NR2F2: variants seen among roughly 807,000 people sequenced by gnomAD.
NR2F2 encodes nuclear receptor subfamily 2 group F member 2.
Under a neutral mutation model 34.8 loss-of-function variants are expected in NR2F2, and 2 were observed. The ratio of observed to expected loss-of-function variants is 0.06; its 90% confidence interval spans 0.02 to 0.18. NR2F2 has a LOEUF of 0.18. NR2F2 is among the 10% of genes least tolerant of loss of function. The pLI is 1.00. For missense variants in NR2F2, 300 were observed against 580.1 expected, an observed-to-expected ratio of 0.52 and a Z score of 4.96; for synonymous variants, 274 against 251.8, an observed-to-expected ratio of 1.09 and a Z score of -0.84.
upstream of NR2F2, among the ~76,000 whole-genome samples, chr15:96,326,723 G>C (rs1046855443): frequency 6.6e-6 from 1 of 152,168 alleles, no homozygotes; most frequent in Non-Finnish European, 1.5e-5. The surrounding 1 kb of genome is among the most constrained non-coding windows in gnomAD (Gnocchi z 5.5). Context: ...TATAAAGCGT[G>C]GTTTTGCAAG....
chr15:96,331,410 G>A lies in NR2F2; in HGVS notation c.-696G>A. On this transcript the variant is annotated 5_prime_UTR_variant, in exon 1 of 3. Transcript: ENST00000394166. ...CCGCGGGCCGCCGGCCTCCGCCCCG[G>A]CCTGCCTGGCTCCCTGGGCGCGCCC... is the stretch of plus-strand genomic sequence containing the variant. The A allele has an allele frequency of 1.6e-6, 2 of 1,229,912 alleles. No individual in the cohort carries two copies. Among genetic ancestry groups the A allele is most frequent in the Non-Finnish European group, 2.0e-6 (2 of 987,094 alleles). 76.2% of individuals were successfully genotyped at this position (1,229,912 alleles called of 1,614,324 possible).
At chr15:96,326,947 G>A (rs555373012), upstream of NR2F2, 2 of 153,012 alleles carry the variant, frequency 1.3e-5, no homozygotes, top group East Asian at 3.9e-4. The surrounding 1 kb of genome is among the most constrained non-coding windows in gnomAD (Gnocchi z 5.5). Context: ...CGACGAGAAG[G>A]GTACTCACCA....
rs1899131443 is a variant in NR2F2 at position 96,331,264 on chromosome 15, C to T, written c.-842C>T. 1 of 995,694 alleles carries T rather than the reference C, an allele frequency of 1.0e-6. No homozygotes were observed. The allele number at this position is 995,694 out of a possible 1,614,324, so 61.7% of individuals were successfully genotyped here. A position where few individuals can be genotyped will look rare whatever the true frequency, so the allele number is the denominator to read the frequency against. ...CGGCGGCCGGAGAGAGCGAGGCGCG[C>T]GCCGGACGCCCGGGGCAGGCGGCGG... On this transcript the variant is annotated 5_prime_UTR_variant, in exon 1 of 3. Transcript: ENST00000394166.
intron 2 of NR2F2, 33 bp downstream of exon 2, chr15:96,334,636 G>A: frequency 1.3e-6 from 2 of 1,558,032 alleles, no homozygotes; most frequent in Non-Finnish European, 1.7e-6. Context: ...CGTGCCCACG[G>A]GCTCCTAGCC....
At chr15:96,333,206 T>A (rs1899204962) in intron 1 of NR2F2, 1 of 326,650 alleles carries the variant, frequency 3.1e-6, no homozygotes, top group Non-Finnish European at 4.7e-6. Context: ...GCGAGTTGGG[T>A]CTTTGTGATA....
chr15:96,327,534 C>T (rs1011582503), upstream of NR2F2, among the ~76,000 whole-genome samples: 1 of 152,162 alleles, frequency 6.6e-6, no homozygotes, highest in Non-Finnish European at 1.5e-5. Flanking sequence ...TGGTGATTTT[C>T]AAAGTACCAC....
chr15:96,326,084 C>G, upstream of NR2F2: 1 of 603,912 alleles, frequency 1.7e-6, no homozygotes, highest in East Asian at 2.8e-5. This position sits in a 1 kb window ranked among gnomAD's most constrained non-coding sequence, Gnocchi z 5.5. Context: ...CTGAGAGAGC[C>G]TAATACATGG....
At chr15:96,326,278 C>G (rs773545404), upstream of NR2F2, 20 of 1,599,976 alleles carry the variant, frequency 1.3e-5, no homozygotes, top group Admixed American at 3.3e-4. The surrounding 1 kb of genome is among the most constrained non-coding windows in gnomAD (Gnocchi z 5.5). Context: ...ACCCGCCAAA[C>G]TAAAGGAGAG....
At chr15:96,334,966 G>C (rs1312101145) in intron 2 of NR2F2, among the ~76,000 whole-genome samples, 1 of 152,234 alleles carries the variant, frequency 6.6e-6, no homozygotes. Flanking sequence ...TCAAGCCCTC[G>C]GTTTTCTCTA....
In NR2F2 at chr15:96,339,682, G is replaced by A. The variant is rs1189826938; in HGVS notation, c.*2060G>A. ...GGAGGGAAACTTTACAGGGTGTGCT[G>A]ATTTGGAAGTAGTAACTATTTCTTT... On this transcript the variant is annotated 3_prime_UTR_variant, in exon 3 of 3. Coordinates refer to ENST00000394166, the MANE Select transcript of NR2F2 (RefSeq NM_021005.4). The A allele has an allele frequency of 6.6e-6, 1 of 152,178 alleles. No individual in the cohort carries two copies. Among genetic ancestry groups the A allele is most frequent in the Non-Finnish European group, 1.5e-5 (1 of 68,040 alleles). 9.4% of individuals were successfully genotyped at this position (152,178 alleles called of 1,614,324 possible).
chr15:96,329,622 T>C (rs767979378), upstream of NR2F2, among the ~76,000 whole-genome samples: 15 of 152,202 alleles, frequency 9.9e-5, no homozygotes, highest in Non-Finnish European at 1.8e-4. Flanking sequence ...TCTGTGTACA[T>C]TGACAAATGT....
Position 96,331,536 on chromosome 15 carries a change from T to TCCTCCTCCTCTA in NR2F2, c.-560_-549dup, listed in dbSNP as rs1899141202. 3.3e-6 allele frequency: 4 copies of TCCTCCTCCTCTA among 1,225,732 alleles called. No individual in the cohort carries two copies. The South Asian group carries it at 1.6e-4, about 50-fold the overall frequency. 75.9% of individuals were successfully genotyped at this position (1,225,732 alleles called of 1,614,324 possible). A position where few individuals can be genotyped will look rare whatever the true frequency, so the allele number is the denominator to read the frequency against. On this transcript the variant is annotated 5_prime_UTR_variant, in exon 1 of 3. Transcript: ENST00000394166. ...GACTTGGCCCCCGGACAGTCGCCTCTCCTCCTCCTCTACCTCCTCCTTCAC... is the reference window on the plus strand; with the variant it reads ...GACTTGGCCCCCGGACAGTCGCCTCTCCTCCTCCTCTACCTCCTCCTCTACCTCCTCCTTCAC...
rs1326072199 is a variant in NR2F2, at chr15:96,334,546, C to T, written c.913C>T (p.Leu305=). The change falls in exon 2 of 3, where the codon CTG becomes TTG. Residue 305 remains leucine (L), a synonymous_variant. Coordinates refer to ENST00000394166, the MANE Select transcript of NR2F2 (RefSeq NM_021005.4). ...FQEQVEKLKA[L]HVDSAEYSCL... ...AGAGCAAGTGGAGAAGCTCAAGGCGCTGCACGTTGACTCAGCCGAGTACAG... is the reference window on the plus strand; with the variant it reads ...AGAGCAAGTGGAGAAGCTCAAGGCGTTGCACGTTGACTCAGCCGAGTACAG... 3.7e-6 allele frequency: 6 copies of T among 1,613,126 alleles called. No homozygotes were observed. The African/African-American group carries it at 5.3e-5, about 14-fold the overall frequency.
At chr15:96,333,831 C>A in intron 1 of NR2F2, 1 of 1,408,020 alleles carries the variant, frequency 7.1e-7, no homozygotes, top group Admixed American at 2.9e-5. Flanking sequence ...GGGTCCTCGG[C>A]GGACCAGCCC....
Position 96,332,064 on chromosome 15 carries a change from G to T in NR2F2, c.-42G>T. 2 of 1,260,992 alleles carry T rather than the reference G, an allele frequency of 1.6e-6. No individual in the cohort carries two copies. Among genetic ancestry groups the T allele is most frequent in the Non-Finnish European group, 2.0e-6 (2 of 1,001,668 alleles). 78.1% of individuals were successfully genotyped at this position (1,260,992 alleles called of 1,614,324 possible). A position where few individuals can be genotyped will look rare whatever the true frequency, so the allele number is the denominator to read the frequency against. ...AGCCGCCGCCGCCCCGCCGCCGCCC[G>T]CAGCCAGGGGAGCAGGAAGTCCGGA... On this transcript the variant is annotated 5_prime_UTR_variant, in exon 1 of 3. Coordinates refer to ENST00000394166, the MANE Select transcript of NR2F2 (RefSeq NM_021005.4).
rs1235507049 is a variant in NR2F2 at position 96,331,755 on chromosome 15, T to C, written c.-351T>C. On this transcript the variant is annotated 5_prime_UTR_variant, in exon 1 of 3. Transcript: ENST00000394166. ...CAATCGACTTCAGCTCTCCCTCCCC[T>C]CCCTCTTTCTCCACGTTCTGCTCCC... 5 of 1,078,586 alleles carry C rather than the reference T, an allele frequency of 4.6e-6. No homozygotes were observed. The South Asian group carries it at 1.4e-4, about 31-fold the overall frequency. The allele number at this position is 1,078,586 out of a possible 1,614,324, so 66.8% of individuals were successfully genotyped here. A position where few individuals can be genotyped will look rare whatever the true frequency, so the allele number is the denominator to read the frequency against.
Position 96,331,214 on chromosome 15 carries a change from G to C in NR2F2, c.-892G>C. ...GGCGGCCCGCAGGGAACGGCGAGCG[G>C]CCTCCACCCAGCGACTGCGGGCGGC... is the stretch of plus-strand genomic sequence containing the variant. On this transcript the variant is annotated 5_prime_UTR_variant, in exon 1 of 3. Transcript: ENST00000394166. 1 of 978,720 alleles carries C rather than the reference G, an allele frequency of 1.0e-6. No individual in the cohort carries two copies. The highest frequency in any genetic ancestry group is 1.1e-4 in the East Asian group (1 of 8,864). 60.6% of individuals were successfully genotyped at this position (978,720 alleles called of 1,614,324 possible).
chr15:96,334,590 C>T lies in NR2F2; in HGVS notation c.957C>T (p.Val319=), dbSNP rs1567138715. 6.2e-7 allele frequency: 1 copy of T among 1,601,226 alleles called. No individual in the cohort carries two copies. The highest frequency in any genetic ancestry group is 1.3e-5 in the African/African-American group (1 of 74,742). Reference sequence around the variant, plus strand: ...AGTACAGCTGCCTCAAGGCCATAGTCCTGTTCACCTCAGGTAGGAAGGAGC... The same window carrying T: ...AGTACAGCTGCCTCAAGGCCATAGTTCTGTTCACCTCAGGTAGGAAGGAGC... The part of the protein sequence containing the change: ...SAEYSCLKAI[V]LFTSDACGLS... Residue 319 remains valine, a synonymous_variant, in exon 2 of 3, where the codon GTC becomes GTT. Transcript: ENST00000394166.
chr15:96,336,048 C>A (rs1020727679), intron 2 of NR2F2, among the ~76,000 whole-genome samples: 3 of 152,194 alleles, frequency 2.0e-5, no homozygotes. Context: ...CCACCTTCAC[C>A]CCTGTCCCAC....
Sources: gnomAD v4.1 joint callset for allele counts (sites outside exome capture counted in the v4.1 genomes callset) on GRCh38, gnomAD v4.1.1 for gene constraint, Gnocchi (gnomAD v3.1) non-coding constraint, MANE v1.5 for transcripts, NCBI Gene and HGNC (gene_info 2026-07-23, HGNC 2026-07-21) for gene names.